The following AFM variants were observed in gnomAD, a reference collection of about 807,000 sequenced individuals.
The protein encoded by AFM is afamin, also known as alpha-Alb.
AFM carries 82 observed loss-of-function variants against 68.7 expected under a neutral mutation model. The ratio of observed to expected loss-of-function variants is 1.19; its 90% CI spans 1.00 to 1.43. The LOEUF (loss-of-function observed/expected upper bound fraction) is 1.43. Ranked by LOEUF, AFM falls within the 40% of genes most tolerant of loss-of-function variation. AFM has a pLI of 0.00. For synonymous variants in AFM, 250 were observed against 234.2 expected, an observed-to-expected ratio of 1.07 and a Z score of -0.61; for missense variants, 772 against 701.8, an observed-to-expected ratio of 1.10 and a Z score of -1.13.
chr4:73,484,305 A>G lies in AFM; in HGVS notation c.185A>G (p.Glu62Gly), dbSNP rs1318644654. 6.2e-7 allele frequency: 1 copy of G among 1,613,514 alleles called. No individual in the cohort carries two copies. Among genetic ancestry groups the G allele is most frequent in the African/African-American group, 1.3e-5 (1 of 74,890 alleles). Residue 62 changes from glutamate to glycine, a missense_variant, in exon 3 of 15, where the codon GAA becomes GGA. Physicochemically the swap from Glu to Gly is moderately conservative, Grantham distance 98 (BLOSUM62 -2). Transcript: ENST00000226355. ...AQYVQEATFE[E>G]MEKLVKDMVE... ...TATGTTCAGGAAGCAACCTTTGAAG[A>G]AATGGAAAAGCTGGTGAAAGACATG...
At chr4:73,493,113 C>T (rs1304704989) in intron 8 of AFM, among the ~76,000 whole-genome samples, 2 of 152,082 alleles carry the variant, frequency 1.3e-5, no homozygotes, top group Admixed American at 6.5e-5. Context: ...ATAGGTAGAG[C>T]ATGAATTGAA....
chr4:73,484,318 G>A lies in AFM; in HGVS notation c.198G>A (p.Leu66=). Residue 66 remains leucine (L), a synonymous_variant, in exon 3 of 15, where the codon CTG becomes CTA. Coordinates refer to ENST00000226355, the MANE Select transcript of AFM (RefSeq NM_001133.2). ...CAACCTTTGAAGAAATGGAAAAGCT[G>A]GTGAAAGACATGGTAGAATACAAAG... The part of the protein sequence containing the change: ...QEATFEEMEK[L]VKDMVEYKDR... 6.2e-7 allele frequency: 1 copy of A among 1,613,414 alleles called. No homozygotes were observed. The highest frequency in any genetic ancestry group is 8.5e-7 in the Non-Finnish European group (1 of 1,179,748).
chr4:73,494,227 G>T (rs546184027), intron 8 of AFM, among the ~76,000 whole-genome samples: 1 of 152,156 alleles, frequency 6.6e-6, no homozygotes, highest in South Asian at 2.1e-4. Context: ...CAAATGGGAA[G>T]CTGGAGAGAT....
chr4:73,499,377 T>C (rs1721356178), intron 11 of AFM, 131 bp downstream of exon 11: 3 of 1,005,774 alleles, frequency 3.0e-6, no homozygotes, highest in Non-Finnish European at 3.9e-6. Flanking sequence ...GCAAAAATTG[T>C]CAAGTTTTCC....
At chr4:73,487,647 A>G in intron 5 of AFM, 77 bp from the exon 6 acceptor site, 1 of 993,114 alleles carries the variant, frequency 1.0e-6, no homozygotes, top group Non-Finnish European at 1.5e-6. Flanking sequence ...TAATAGTTTG[A>G]ATGAAATATG....
rs1720889514 is a variant in AFM, at chr4:73,485,943, G to A, written c.352G>A (p.Asp118Asn). 6.2e-7 allele frequency: 1 copy of A among 1,614,118 alleles called. No individual in the cohort carries two copies. Among genetic ancestry groups the A allele is most frequent in the African/African-American group, 1.3e-5 (1 of 75,044 alleles). ...HNFSHCCSKV[D>N]AQRRLCFFYN... ...TTTCTCACACTGCTGCAGTAAGGTT[G>A]ATGCTCAAAGAAGACTCTGTTTCTT... is the stretch of plus-strand genomic sequence containing the variant. The change falls in exon 4 of 15, where the codon GAT becomes AAT. Residue 118 changes from aspartate to asparagine, a missense_variant. Physicochemically the swap from Asp to Asn is conservative, Grantham distance 23. Transcript: ENST00000226355.
chr4:73,482,423 T>C (rs1210584429), intron 1 of AFM, among the ~76,000 whole-genome samples: 7 of 152,202 alleles, frequency 4.6e-5, no homozygotes, highest in Admixed American at 4.6e-4. Flanking sequence ...AGGTGTCTTT[T>C]TCTAATCCTT....
chr4:73,483,350 T>A (rs566624559), intron 1 of AFM, among the ~76,000 whole-genome samples: 1 of 152,244 alleles, frequency 6.6e-6, no homozygotes, highest in South Asian at 2.1e-4. Flanking sequence ...GATATTTTAG[T>A]CATTGTTGAT....
At chr4:73,487,435 G>A (rs1050362704) in intron 5 of AFM, among the ~76,000 whole-genome samples, 32 of 152,092 alleles carry the variant, frequency 2.1e-4, no homozygotes, top group African/African-American at 7.7e-4. Flanking sequence ...CAAACAACAT[G>A]GTATAATCTC....
rs1365154117 is a variant in AFM at position 73,500,063 on chromosome 4, T to C, written c.1482T>C (p.Ala494=). Residue 494 remains alanine, a synonymous_variant, in exon 12 of 15, where the codon GCT becomes GCC. Transcript: ENST00000226355. ...GVNENRTINP[A]VDHCCKTNFA... Reference sequence around the variant, plus strand: ...ATGAAAATCGAACTATCAACCCTGCTGTGGACCACTGCTGTAAAACAAACT... The same window carrying C: ...ATGAAAATCGAACTATCAACCCTGCCGTGGACCACTGCTGTAAAACAAACT... The C allele has an allele frequency of 1.2e-6, 2 of 1,614,082 alleles. No homozygotes were observed. Among genetic ancestry groups the C allele is most frequent in the East Asian group, 4.5e-5 (2 of 44,870 alleles).
chr4:73,490,383 G>A (rs963768183), intron 7 of AFM, among the ~76,000 whole-genome samples: 2 of 151,460 alleles, frequency 1.3e-5, no homozygotes, highest in African/African-American at 4.8e-5. Context: ...ATTTATTTTT[G>A]TATTGCTTGA....
rs1277746195 is a variant in AFM, at chr4:73,499,310, C to T, written c.1422+64C>T. On this transcript the variant is annotated intron_variant, in intron 11 of 14. Coordinates refer to ENST00000226355, the MANE Select transcript of AFM (RefSeq NM_001133.2). ...TTTTTTAAAAAAAAGAATATTTGCA[C>T]TCATTGATTTACCGTGATTATCCAT... The T allele has an allele frequency of 4.5e-6, 6 of 1,330,248 alleles. No individual in the cohort carries two copies. In the African/African-American group the frequency reaches 6.1e-5, roughly 14 times the overall value. 82.4% of individuals were successfully genotyped at this position (1,330,248 alleles called of 1,614,324 possible). A position where few individuals can be genotyped will look rare whatever the true frequency, so the allele number is the denominator to read the frequency against.
intron 8 of AFM, 99 bp downstream of exon 8, chr4:73,492,185 A>G: frequency 9.7e-7 from 1 of 1,035,742 alleles, no homozygotes; most frequent in Non-Finnish European, 1.4e-6. Context: ...GGTACCGTTT[A>G]TTTCACTAGG....
At chr4:73,495,143 C>CA (rs1439541567) in intron 8 of AFM, 157 bp from the exon 9 acceptor site, 13 of 561,050 alleles carry the variant, frequency 2.3e-5, no homozygotes, top group Non-Finnish European at 3.8e-5. Flanking sequence ...GATCTATAGC[C>CA]AAAATGTCCT....
chr4:73,495,194 T>G, intron 8 of AFM, 106 bp from the exon 9 acceptor site: 3 of 1,081,970 alleles, frequency 2.8e-6, no homozygotes, highest in Non-Finnish European at 3.8e-6. Context: ...GAAAATTAGC[T>G]TTTGAAAGCA....
At chr4:73,502,924 G>C (rs963593957) in intron 13 of AFM, 126 bp from the exon 14 acceptor site, 9 of 896,852 alleles carry the variant, frequency 1.0e-5, no homozygotes. Flanking sequence ...AATGTTTACT[G>C]TTTCCCTGTA....
At position 73,503,095 on chromosome 4, in the gene AFM, G is replaced by GA; in HGVS notation, c.*31dup. ...AAGCCAGCTGCTGGAGATATGTAAA[G>GA]AAAAAAGCACCAAAGGTAATACCCT... On this transcript the variant is annotated 3_prime_UTR_variant, in exon 14 of 15. Transcript: ENST00000226355. 4.3e-6 allele frequency: 7 copies of GA among 1,611,756 alleles called. No homozygotes were observed. The highest frequency in any genetic ancestry group is 4.2e-6 in the Non-Finnish European group (5 of 1,178,288).
intron 10 of AFM, 64 bp downstream of exon 10, chr4:73,497,813 C>A: frequency 2.8e-6 from 3 of 1,058,672 alleles, no homozygotes; most frequent in Non-Finnish European, 4.0e-6. Flanking sequence ...TCCCTCGAAG[C>A]GTAAAAAAGT....
rs749862684 is a variant in AFM, at chr4:73,487,002, T to A, written c.518T>A (p.Val173Asp). The A allele has an allele frequency of 3.1e-6, 5 of 1,613,786 alleles. No individual in the cohort carries two copies. The highest frequency in any genetic ancestry group is 4.2e-6 in the Non-Finnish European group (5 of 1,179,900). ...GAAGTTGCCAGAAGGAACCCATTTG[T>A]CTTCGCCCCTACACTTCTAACTGTT... is the stretch of plus-strand genomic sequence containing the variant. ...LYEVARRNPF[V>D]FAPTLLTVAV... The change falls in exon 5 of 15, where the codon GTC becomes GAC. Residue 173 changes from valine (V) to aspartate (D), a missense_variant. Val to Asp is a radical substitution (Grantham distance 152). Coordinates refer to ENST00000226355, the MANE Select transcript of AFM (RefSeq NM_001133.2).
Sources: allele counts gnomAD v4.1 joint callset (sites outside exome capture counted in the v4.1 genomes callset), GRCh38; gene constraint gnomAD v4.1.1; transcripts MANE v1.5; gene names NCBI Gene and HGNC (gene_info 2026-07-23, HGNC 2026-07-21).